Variants in TMEM245 observed in about 807,000 individuals in gnomAD.
TMEM245 encodes protein CG-2.
TMEM245 carries 69 observed loss-of-function variants against 101.2 expected under a neutral mutation model. That is an observed-to-expected ratio of 0.68 (90% CI 0.56 to 0.83). TMEM245 has a LOEUF of 0.83. Ranked by LOEUF, TMEM245 falls within the 40% of genes least tolerant of loss-of-function variation. The probability of loss-of-function intolerance (pLI) is 0.00; values close to 1 mark genes in which losing one functional copy is unlikely to be tolerated. For synonymous variants in TMEM245, 537 were observed against 449.8 expected (o/e 1.19, Z -2.45); for missense variants, 1,075 against 1,092.8 (o/e 0.98, Z 0.23).
At chr9:109,042,911 T>C (rs147343537) in intron 14 of TMEM245, among the ~76,000 whole-genome samples, 94 of 143,402 alleles carry the variant, frequency 6.6e-4, no homozygotes, top group African/African-American at 2.3e-3. Flanking sequence ...AGTGGTGCAA[T>C]CCTGGCTCAT....
At chr9:109,050,471 G>C in intron 13 of TMEM245, 43 bp from the exon 14 acceptor site, 2 of 1,612,322 alleles carry the variant, frequency 1.2e-6, no homozygotes, top group Admixed American at 3.3e-5. Flanking sequence ...ATCGTATTTG[G>C]AAACTATAGG....
chr9:109,110,171 G>A (rs1830530775), intron 1 of TMEM245, among the ~76,000 whole-genome samples: 2 of 152,008 alleles, frequency 1.3e-5, no homozygotes, highest in African/African-American at 4.8e-5. Flanking sequence ...AATTAACCCT[G>A]GGAATTCAAA....
intron 16 of TMEM245, 63 bp downstream of exon 16, chr9:109,036,143 T>TAA (rs34730476): frequency 8.9e-3 from 10,921 of 1,224,754 alleles, no homozygotes; most frequent in Non-Finnish European, 9.9e-3. Flanking sequence ...AATCCTCCTT[T>TAA]AAAAAAAAAA....
chr9:109,114,243 A>G (rs72607172), intron 1 of TMEM245, among the ~76,000 whole-genome samples: 33,645 of 152,146 alleles, frequency 0.22, 4,545 homozygotes, highest in Admixed American at 0.3. Context: ...TAGAGTCAAC[A>G]TTTTTATATT....
chr9:109,091,150 C>T lies in TMEM245; in HGVS notation c.922G>A (p.Val308Met). The part of the protein sequence containing the change: ...DQPSTQPAEA[V>M]DRGESAPTLS... ...GTTGGAGCGGATTCTCCCCTGTCCA[C>T]TGCTTCTGAAAAGGAAAAGAAAAAC... The change falls in exon 5 of 18, where the codon GTG becomes ATG. Residue 308 changes from valine to methionine, a missense_variant. Val to Met is a conservative substitution (Grantham distance 21). Around this residue, in one of 2 missense-constraint regions of TMEM245, gnomAD observed 808 missense variants for 741.5 expected, o/e 1.09. Transcript: ENST00000374586. 1 of 1,613,040 alleles carries T rather than the reference C, an allele frequency of 6.2e-7. No homozygotes were observed. The highest frequency in any genetic ancestry group is 8.5e-7 in the Non-Finnish European group (1 of 1,179,424).
chr9:109,074,818 C>T (rs1461415485), intron 8 of TMEM245, among the ~76,000 whole-genome samples: 1 of 152,062 alleles, frequency 6.6e-6, no homozygotes. Context: ...TCTATCGGGC[C>T]CCAGAAAAGT....
chr9:109,053,277 A>C (rs1020752977), intron 12 of TMEM245, among the ~76,000 whole-genome samples: 2 of 152,144 alleles, frequency 1.3e-5, no homozygotes, highest in African/African-American at 4.8e-5. Flanking sequence ...ATACAAAAAA[A>C]TTAGCTGAAT....
At chr9:109,082,254 C>A (rs1207966089) in intron 7 of TMEM245, among the ~76,000 whole-genome samples, 2 of 152,100 alleles carry the variant, frequency 1.3e-5, no homozygotes, top group African/African-American at 4.8e-5. Flanking sequence ...AAAAGTTAAT[C>A]TTTAATCTTG....
chr9:109,025,146 G>T (rs1358793093), intron 17 of TMEM245, among the ~76,000 whole-genome samples: 3 of 152,128 alleles, frequency 2.0e-5, no homozygotes, highest in African/African-American at 7.2e-5. Context: ...TTCTAAAGTG[G>T]AATGACAGCA....
intron 4 of TMEM245, among the ~76,000 whole-genome samples, chr9:109,091,448 A>G (rs1830004913): frequency 6.6e-6 from 1 of 152,248 alleles, no homozygotes; most frequent in Non-Finnish European, 1.5e-5. Flanking sequence ...AATTATAATT[A>G]TCCCATAAAA....
At chr9:109,095,123 A>C (rs1830105040) in intron 3 of TMEM245, among the ~76,000 whole-genome samples, 1 of 152,152 alleles carries the variant, frequency 6.6e-6, no homozygotes, top group South Asian at 2.1e-4. Context: ...ATCTCTCAAT[A>C]TGAGAGAAAT....
At chr9:109,087,850 T>C (rs1190534213) in intron 5 of TMEM245, among the ~76,000 whole-genome samples, 3 of 152,210 alleles carry the variant, frequency 2.0e-5, no homozygotes, top group Non-Finnish European at 4.4e-5. Context: ...GTAATGTTGT[T>C]CCTATTTCCC....
chr9:109,091,825 A>C (rs1830014788), intron 4 of TMEM245, among the ~76,000 whole-genome samples: 1 of 152,178 alleles, frequency 6.6e-6, no homozygotes. Flanking sequence ...TTTTAATAAG[A>C]TATACCATAC....
intron 16 of TMEM245, among the ~76,000 whole-genome samples, chr9:109,034,316 G>C (rs1828055692): frequency 6.6e-6 from 1 of 152,180 alleles, no homozygotes; most frequent in South Asian, 2.1e-4. Context: ...GACTTGTGGA[G>C]AACCAGTCTT....
chr9:109,067,177 A>G (rs1172425816), intron 9 of TMEM245, among the ~76,000 whole-genome samples: 1 of 152,172 alleles, frequency 6.6e-6, no homozygotes, highest in Non-Finnish European at 1.5e-5. Context: ...ACACTTTCCC[A>G]ATGTACTCAC....
intron 17 of TMEM245, among the ~76,000 whole-genome samples, chr9:109,030,879 C>T (rs1827925030): frequency 6.6e-6 from 1 of 152,148 alleles, no homozygotes; most frequent in African/African-American, 2.4e-5. Context: ...CAAAATATAA[C>T]ACTAAAAACA....
At chr9:109,077,470 T>C (rs1243813868) in intron 8 of TMEM245, among the ~76,000 whole-genome samples, 1 of 152,198 alleles carries the variant, frequency 6.6e-6, no homozygotes, top group Non-Finnish European at 1.5e-5. Context: ...GGCTTCTAAA[T>C]ATCCTTATTA....
chr9:109,099,326 T>A (rs1360936699), intron 3 of TMEM245, among the ~76,000 whole-genome samples: 1 of 152,200 alleles, frequency 6.6e-6, no homozygotes, highest in Non-Finnish European at 1.5e-5. Context: ...TTTTTCCAAT[T>A]TGGGCTTGAC....
intron 14 of TMEM245, chr9:109,046,335 G>A (rs1828492988): frequency 1.9e-6 from 1 of 532,798 alleles, no homozygotes; most frequent in African/African-American, 1.9e-5. Context: ...AGGGAAGAAG[G>A]GTGTGATGTA....
Sources: allele counts gnomAD v4.1 joint callset (sites outside exome capture counted in the v4.1 genomes callset), GRCh38; gene constraint gnomAD v4.1.1; regional missense constraint gnomAD v4.1.1; transcripts MANE v1.5; gene names NCBI Gene and HGNC (gene_info 2026-07-23, HGNC 2026-07-21).